The following UBXN4 variants were observed in gnomAD, a reference collection of about 807,000 sequenced individuals.
UBXN4 encodes the protein UBX domain protein 4.
A neutral mutation model predicts 66.2 loss-of-function variants in UBXN4; 35 were observed. The ratio of observed to expected loss-of-function variants is 0.53; its 90% confidence interval spans 0.40 to 0.70. The LOEUF is 0.70. UBXN4 is among the 30% of genes least tolerant of loss of function. UBXN4 has a pLI of 0.00. For synonymous variants in UBXN4, 203 were observed against 204.5 expected (o/e 0.99, Z 0.06); for missense variants, 533 against 599.8 (o/e 0.89, Z 1.16).
chr2:135,768,793 C>A (rs1355502494), intron 6 of UBXN4, among the ~76,000 whole-genome samples: 1 of 151,726 alleles, frequency 6.6e-6, no homozygotes, highest in East Asian at 2.0e-4. Flanking sequence ...AAACTCCTGA[C>A]CTCAATTGAT....
At chr2:135,778,469 G>A (rs2077431222) in intron 10 of UBXN4, among the ~76,000 whole-genome samples, 3 of 152,126 alleles carry the variant, frequency 2.0e-5, no homozygotes, top group African/African-American at 7.2e-5. Flanking sequence ...GTATCATGTA[G>A]GTTGATTATG....
chr2:135,762,883 G>A (rs2077323795), intron 6 of UBXN4, among the ~76,000 whole-genome samples: 1 of 152,206 alleles, frequency 6.6e-6, no homozygotes, highest in African/African-American at 2.4e-5. Context: ...ACTCTGGGCT[G>A]AAGTGAAAAT....
intron 9 of UBXN4, among the ~76,000 whole-genome samples, chr2:135,773,584 T>C (rs1252059449): frequency 6.6e-6 from 1 of 152,162 alleles, no homozygotes; most frequent in Non-Finnish European, 1.5e-5. Context: ...ATGTTATTGA[T>C]AATTATACCA....
intron 9 of UBXN4, among the ~76,000 whole-genome samples, 158 bp downstream of exon 9, chr2:135,772,705 TGA>T (rs1313436978): frequency 6.6e-6 from 1 of 152,192 alleles, no homozygotes; most frequent in East Asian, 1.9e-4. Flanking sequence ...TCATTTCGTG[TGA>T]GTGTACACTA....
At chr2:135,769,967 T>A (rs2077373225) in intron 7 of UBXN4, 144 bp downstream of exon 7, 4 of 549,652 alleles carry the variant, frequency 7.3e-6, no homozygotes, top group Non-Finnish European at 8.8e-6. Context: ...CTGTTTTCTC[T>A]AGTAGAGTCA....
At position 135,777,903 on chromosome 2, in the gene UBXN4, C is replaced by T. The variant is rs1300672023; in HGVS notation, c.1054-1045C>T. ...ATCTCAAAAAAAACAACAGGCTGGG[C>T]GCAGTGGCTCACGCCTGTAATCCCA... On this transcript the variant is annotated intron_variant, in intron 10 of 12. Coordinates refer to ENST00000272638, the MANE Select transcript of UBXN4 (RefSeq NM_014607.4). 3.4e-4 allele frequency among the ~76,000 whole-genome samples: 51 copies of T among 150,846 alleles called. 1 individual carries two copies. The highest frequency in any genetic ancestry group is 3.5e-3 in the Middle Eastern group (1 of 288).
chr2:135,779,976 ATAT>A (rs1459160916), intron 11 of UBXN4, among the ~76,000 whole-genome samples: 9 of 149,954 alleles, frequency 6.0e-5, no homozygotes, highest in Non-Finnish European at 8.9e-5. Flanking sequence ...CAATTGTATA[ATAT>A]TGTATATTTA....
chr2:135,757,030 G>T (rs1466212849), intron 5 of UBXN4, among the ~76,000 whole-genome samples: 1 of 152,092 alleles, frequency 6.6e-6, no homozygotes, highest in Non-Finnish European at 1.5e-5. Flanking sequence ...ATGCCTAAGT[G>T]TATTTTTCTT....
At chr2:135,765,089 C>T (rs1245798670) in intron 6 of UBXN4, among the ~76,000 whole-genome samples, 1 of 152,178 alleles carries the variant, frequency 6.6e-6, no homozygotes, top group Non-Finnish European at 1.5e-5. Context: ...GCTGAGATTA[C>T]AGGCTTGAGC....
chr2:135,755,318 A>G (rs1387279918), intron 4 of UBXN4, among the ~76,000 whole-genome samples, 199 bp from the exon 5 acceptor site: 1 of 152,188 alleles, frequency 6.6e-6, no homozygotes, highest in African/African-American at 2.4e-5. Flanking sequence ...AAATGTTTTT[A>G]TGGTCTTGCC....
intron 1 of UBXN4, among the ~76,000 whole-genome samples, chr2:135,742,938 T>A (rs557647620): frequency 3.9e-5 from 6 of 152,342 alleles, no homozygotes; most frequent in African/African-American, 1.4e-4. Context: ...TCTCTGTTGC[T>A]CTAGGCTATT....
chr2:135,782,620 C>A, intron 12 of UBXN4, 129 bp from the exon 13 acceptor site: 2 of 1,109,506 alleles, frequency 1.8e-6, no homozygotes, highest in Non-Finnish European at 2.6e-6. Context: ...CTCCCATGGA[C>A]TTTCCTTACT....
At chr2:135,748,860 T>C (rs1204760065) in intron 2 of UBXN4, among the ~76,000 whole-genome samples, 1 of 151,458 alleles carries the variant, frequency 6.6e-6, no homozygotes, top group Non-Finnish European at 1.5e-5. Context: ...TGAGACCTTG[T>C]CTCTACTAAA....
Position 135,770,646 on chromosome 2 carries a change from G to C in UBXN4, c.733G>C (p.Glu245Gln). Residue 245 changes from glutamate to glutamine, a missense_variant, in exon 8 of 13, where the codon GAA becomes CAA. By Grantham distance (29) the Glu-to-Gln change is conservative (BLOSUM62 2). Around this residue, in one of 2 missense-constraint regions of UBXN4, gnomAD observed 529 missense variants for 580.1 expected, o/e 0.91. Coordinates refer to ENST00000272638, the MANE Select transcript of UBXN4 (RefSeq NM_014607.4). ...GGATTATAAAAGAAAACAAGAAGAAGAATTAACAAAAAGAATGCTGGAGGA... is the reference window on the plus strand; with the variant it reads ...GGATTATAAAAGAAAACAAGAAGAACAATTAACAAAAAGAATGCTGGAGGA... The part of the protein sequence containing the change: ...MLDYKRKQEE[E>Q]LTKRMLEERN... 1 of 1,574,110 alleles carries C rather than the reference G, an allele frequency of 6.4e-7. No homozygotes were observed. The highest frequency in any genetic ancestry group is 8.6e-7 in the Non-Finnish European group (1 of 1,165,904).
Position 135,784,027 on chromosome 2 carries a change from T to A in UBXN4, c.*1140T>A, listed in dbSNP as rs1575326474. On this transcript the variant is annotated 3_prime_UTR_variant, in exon 13 of 13. Coordinates refer to ENST00000272638, the MANE Select transcript of UBXN4 (RefSeq NM_014607.4). The stretch of plus-strand genomic sequence containing the variant: ...TTCTCAGAGCAAACTTTCTATTTTT[T>A]ACCTGTGAAATAACAGTGACTTTTT... 1.3e-5 allele frequency: 2 copies of A among 152,074 alleles called. No homozygotes were observed. Among genetic ancestry groups the A allele is most frequent in the African/African-American group, 4.8e-5 (2 of 41,464 alleles). The allele number at this position is 152,074 out of a possible 1,614,324, so 9.4% of individuals were successfully genotyped here.
chr2:135,752,214 A>AT (rs1466500264), intron 2 of UBXN4, among the ~76,000 whole-genome samples: 1 of 151,928 alleles, frequency 6.6e-6, no homozygotes, highest in African/African-American at 2.4e-5. Flanking sequence ...CACCCAGCTA[A>AT]TTTTTTGTAT....
chr2:135,743,690 C>G (rs2077191308), intron 1 of UBXN4, among the ~76,000 whole-genome samples: 2 of 152,042 alleles, frequency 1.3e-5, no homozygotes, highest in South Asian at 4.1e-4. Flanking sequence ...TTATGGTAGT[C>G]ATGTTTTTGA....
chr2:135,768,856 C>T (rs529958305), intron 6 of UBXN4, among the ~76,000 whole-genome samples: 2 of 152,162 alleles, frequency 1.3e-5, no homozygotes, highest in South Asian at 2.1e-4. Flanking sequence ...TTTGAGCCAC[C>T]GTGCCCAGCC....
intron 2 of UBXN4, among the ~76,000 whole-genome samples, chr2:135,750,604 G>A (rs2077235028): frequency 6.6e-6 from 1 of 151,966 alleles, no homozygotes; most frequent in African/African-American, 2.4e-5. Flanking sequence ...AAAACATCAA[G>A]TCGTAGTATA....
Sources: allele counts gnomAD v4.1 joint callset (sites outside exome capture counted in the v4.1 genomes callset), GRCh38; gene constraint gnomAD v4.1.1; regional missense constraint gnomAD v4.1.1; transcripts MANE v1.5; gene names NCBI Gene and HGNC (gene_info 2026-07-23, HGNC 2026-07-21).